The following VAV3 variants were observed in gnomAD, a reference collection of about 807,000 sequenced individuals.
VAV3 encodes the protein guanine nucleotide exchange factor VAV3.
In VAV3, 94 loss-of-function variants were observed where a neutral mutation model predicts 131.2. The ratio of observed to expected loss-of-function variants is 0.72; its 90% CI spans 0.61 to 0.85. The LOEUF (loss-of-function observed/expected upper bound fraction) is 0.85, where lower values mean the gene tolerates loss of function less well. Among genes scored for constraint, VAV3 ranks in the 40% least tolerant of loss-of-function variants. The pLI is 0.00. For missense variants in VAV3, 939 were observed against 1,002.7 expected (o/e 0.94, Z 0.86); for synonymous variants, 349 against 342.0 (o/e 1.02, Z -0.22).
At chr1:107,719,882 AAAAAGGATGAGTTCATGTCCTTTGT>A (rs1283315875) in intron 15 of VAV3, among the ~76,000 whole-genome samples, 1 of 152,240 alleles carries the variant, frequency 6.6e-6, no homozygotes, top group African/African-American at 2.4e-5. Context: ...TGCAGCCATT[AAAAAGGATGAGTTCATGTCCTTTGT>A]AGCAACATGG....
intron 19 of VAV3, among the ~76,000 whole-genome samples, chr1:107,649,789 G>C (rs1253855667): frequency 6.6e-6 from 1 of 152,046 alleles, no homozygotes; most frequent in Non-Finnish European, 1.5e-5. Context: ...AATATTTACA[G>C]ATCATTCATG....
chr1:107,815,917 A>C (rs1667542378), intron 2 of VAV3, among the ~76,000 whole-genome samples: 1 of 152,114 alleles, frequency 6.6e-6, no homozygotes, highest in Non-Finnish European at 1.5e-5. Flanking sequence ...TTCAGGATGA[A>C]ACTGTTCTAC....
At chr1:107,634,762 A>C (rs1039129502) in intron 20 of VAV3, among the ~76,000 whole-genome samples, 6 of 151,552 alleles carry the variant, frequency 4.0e-5, no homozygotes, top group Non-Finnish European at 8.9e-5. Flanking sequence ...CAATGAACTC[A>C]AACAAATTTA....
At chr1:107,596,150 A>C (rs17019483) in intron 25 of VAV3, 62 bp downstream of exon 25, 21 of 1,576,708 alleles carry the variant, frequency 1.3e-5, no homozygotes, top group Non-Finnish European at 1.6e-5. Flanking sequence ...GAAGATGTTT[A>C]ATGTTATTGT....
At chr1:107,747,434 A>T (rs974533286) in intron 15 of VAV3, among the ~76,000 whole-genome samples, 1 of 152,186 alleles carries the variant, frequency 6.6e-6, no homozygotes, top group African/African-American at 2.4e-5. Flanking sequence ...TAACCCAATC[A>T]TCCTATCACT....
At chr1:107,898,871 T>C (rs972160461) in intron 1 of VAV3, among the ~76,000 whole-genome samples, 3 of 152,172 alleles carry the variant, frequency 2.0e-5, no homozygotes, top group Admixed American at 6.5e-5. Context: ...TTTTAAGTAA[T>C]GGGAAGGTTC....
intron 2 of VAV3, among the ~76,000 whole-genome samples, chr1:107,856,613 A>ATT (rs1457459263): frequency 3.3e-5 from 5 of 151,864 alleles, no homozygotes; most frequent in Admixed American, 6.5e-5. Context: ...ATAGCACTTT[A>ATT]TTTTGTTCTC....
chr1:107,715,582 C>T (rs1345976949), intron 15 of VAV3, among the ~76,000 whole-genome samples: 1 of 152,148 alleles, frequency 6.6e-6, no homozygotes, highest in Non-Finnish European at 1.5e-5. Context: ...ACTGAGAATA[C>T]AACAGTGAAT....
At chr1:107,681,623 C>T (rs1198253194) in intron 19 of VAV3, among the ~76,000 whole-genome samples, 2 of 151,610 alleles carry the variant, frequency 1.3e-5, no homozygotes, top group Non-Finnish European at 2.9e-5. Context: ...GAAAAATACA[C>T]TCATATACAT....
intron 2 of VAV3, among the ~76,000 whole-genome samples, chr1:107,856,854 T>C (rs577977160): frequency 2.0e-5 from 3 of 152,244 alleles, no homozygotes; most frequent in South Asian, 2.1e-4. Context: ...CTGAGCTACA[T>C]GGTGAGACCT....
intron 20 of VAV3, 117 bp downstream of exon 20, chr1:107,642,502 C>A (rs1022169759): frequency 1.6e-5 from 19 of 1,217,842 alleles, no homozygotes; most frequent in Non-Finnish European, 2.1e-5. Flanking sequence ...CCTTTACTTT[C>A]TTAATCAACT....
At chr1:107,629,341 A>G (rs559887442) in intron 20 of VAV3, among the ~76,000 whole-genome samples, 9 of 152,328 alleles carry the variant, frequency 5.9e-5, no homozygotes, top group Non-Finnish European at 8.8e-5. Flanking sequence ...TTTTCTGGGA[A>G]AATAAAGTTT....
intron 1 of VAV3, among the ~76,000 whole-genome samples, chr1:107,894,663 T>G (rs72983421): frequency 6.6e-6 from 1 of 152,368 alleles, no homozygotes; most frequent in African/African-American, 2.4e-5. Flanking sequence ...AATTCTTAAC[T>G]TTTAAAAACG....
chr1:107,872,793 G>C (rs1009081986), intron 2 of VAV3, among the ~76,000 whole-genome samples: 1 of 152,096 alleles, frequency 6.6e-6, no homozygotes, highest in Non-Finnish European at 1.5e-5. Flanking sequence ...ATGTGATTTG[G>C]GATGCAGAAG....
chr1:107,896,667 T>C (rs1671595453), intron 1 of VAV3, among the ~76,000 whole-genome samples: 1 of 151,778 alleles, frequency 6.6e-6, no homozygotes, highest in Non-Finnish European at 1.5e-5. Flanking sequence ...AGGTGTGTGA[T>C]TCTATATGGT....
chr1:107,872,527 AATT>A (rs1670299540), intron 2 of VAV3, among the ~76,000 whole-genome samples: 1 of 152,182 alleles, frequency 6.6e-6, no homozygotes, highest in Non-Finnish European at 1.5e-5. Context: ...CGACATCAGA[AATT>A]ATTTTGTTTC....
At chr1:107,598,849 C>T (rs560740372) in intron 24 of VAV3, among the ~76,000 whole-genome samples, 3 of 151,468 alleles carry the variant, frequency 2.0e-5, no homozygotes, top group East Asian at 1.9e-4. Flanking sequence ...CTGATACAAA[C>T]GATACCGAAG....
At chr1:107,878,278 T>A (rs750657461) in intron 1 of VAV3, among the ~76,000 whole-genome samples, 32 of 152,176 alleles carry the variant, frequency 2.1e-4, no homozygotes, top group Non-Finnish European at 4.0e-4. Flanking sequence ...AACAATACCA[T>A]TATATCTAAG....
At chr1:107,728,501 G>A (rs1367439725) in intron 15 of VAV3, among the ~76,000 whole-genome samples, 2 of 151,716 alleles carry the variant, frequency 1.3e-5, no homozygotes, top group Admixed American at 6.6e-5. Context: ...AGGGTGGGTG[G>A]GTGTTGCTCA....
Sources: gnomAD v4.1 joint callset for allele counts (sites outside exome capture counted in the v4.1 genomes callset) on GRCh38, gnomAD v4.1.1 for gene constraint, MANE v1.5 for transcripts, NCBI Gene and HGNC (gene_info 2026-07-23, HGNC 2026-07-21) for gene names.